C1orf87: variants seen among roughly 807,000 people sequenced by gnomAD.
The protein encoded by C1orf87 is chromosome 1 open reading frame 87.
Under a neutral mutation model 60.5 loss-of-function variants are expected in C1orf87, and 58 were observed. The ratio of observed to expected loss-of-function variants is 0.96; its 90% CI spans 0.78 to 1.19. C1orf87 has a LOEUF of 1.19. Ranked by LOEUF, C1orf87 falls within the 50% of genes most tolerant of loss-of-function variation. C1orf87 has a pLI of 0.00. For missense variants in C1orf87, 673 were observed against 638.6 expected, an observed-to-expected ratio of 1.05 and a Z score of -0.58; for synonymous variants, 236 against 227.4, an observed-to-expected ratio of 1.04 and a Z score of -0.34.
At chr1:60,047,188 G>A (rs1207477570) in intron 3 of C1orf87, among the ~76,000 whole-genome samples, 1 of 152,022 alleles carries the variant, frequency 6.6e-6, no homozygotes, top group Non-Finnish European at 1.5e-5. Context: ...AGTTTGCATA[G>A]AAAATGGCCA....
chr1:60,023,835 A>G (rs1175322323), intron 8 of C1orf87, among the ~76,000 whole-genome samples: 1 of 152,010 alleles, frequency 6.6e-6, no homozygotes, highest in Non-Finnish European at 1.5e-5. Context: ...AATGGCCTTC[A>G]CAGTTTTGTG....
intron 10 of C1orf87, among the ~76,000 whole-genome samples, 162 bp downstream of exon 10, chr1:60,000,915 C>T (rs1367292550): frequency 3.3e-5 from 5 of 151,902 alleles, no homozygotes; most frequent in African/African-American, 1.2e-4. Context: ...GTTCTTTTGC[C>T]TCCTTCTTTG....
chr1:59,997,413 G>C (rs747622744), intron 11 of C1orf87, among the ~76,000 whole-genome samples, 196 bp downstream of exon 11: 7 of 152,168 alleles, frequency 4.6e-5, no homozygotes, highest in Non-Finnish European at 8.8e-5. Flanking sequence ...GGAATACAGA[G>C]AAATTATAAG....
intron 3 of C1orf87, among the ~76,000 whole-genome samples, chr1:60,045,163 CA>C (rs1270992556): frequency 1.3e-5 from 2 of 152,074 alleles, no homozygotes; most frequent in Non-Finnish European, 2.9e-5. Flanking sequence ...GCATTAAATG[CA>C]GATGTGAAAA....
chr1:60,033,348 G>T lies in C1orf87; in HGVS notation c.1029+128C>A, dbSNP rs74393539. ...CCTTGTTTTTCACTTCTCAGGCAAA[G>T]AAAACAAACAACTGTGTAATGTAAT... On this transcript the variant is annotated intron_variant, in intron 7 of 11. Coordinates refer to ENST00000371201, the MANE Select transcript of C1orf87 (RefSeq NM_152377.3). 2,330 of 863,112 alleles carry T rather than the reference G, an allele frequency of 2.7e-3. 31 individuals carry two copies. The African/African-American group carries it at 0.036, about 13-fold the overall frequency. 53.5% of individuals were successfully genotyped at this position (863,112 alleles called of 1,614,324 possible). A position where few individuals can be genotyped will look rare whatever the true frequency, so the allele number is the denominator to read the frequency against.
At chr1:60,058,595 A>T (rs1350832011) in intron 2 of C1orf87, among the ~76,000 whole-genome samples, 1 of 152,218 alleles carries the variant, frequency 6.6e-6, no homozygotes, top group Non-Finnish European at 1.5e-5. Flanking sequence ...ATTAGATTAT[A>T]TATTTCTTAA....
At position 60,025,419 on chromosome 1, in the gene C1orf87, C is replaced by A; in HGVS notation, c.1109G>T (p.Gly370Val). The change falls in exon 8 of 12, where the codon GGT becomes GTT. Residue 370 changes from glycine (G) to valine (V), a missense_variant. Gly to Val is a moderately radical substitution (Grantham distance 109, BLOSUM62 -3). Coordinates refer to ENST00000371201, the MANE Select transcript of C1orf87 (RefSeq NM_152377.3). ...GACTTACTTTATTTCATTTTGGTAA[C>A]CCAAATCTTGATGGTTAAGCAATGT... ...LETLLNHQDLGYQNEIKWQNF... is the reference protein window; with the variant it reads ...LETLLNHQDLVYQNEIKWQNF... 6.2e-7 allele frequency: 1 copy of A among 1,613,036 alleles called. No homozygotes were observed. The highest frequency in any genetic ancestry group is 8.5e-7 in the Non-Finnish European group (1 of 1,179,362).
intron 7 of C1orf87, among the ~76,000 whole-genome samples, chr1:60,029,890 T>G (rs1179596879): frequency 6.6e-6 from 1 of 151,754 alleles, no homozygotes; most frequent in Non-Finnish European, 1.5e-5. Flanking sequence ...CCGCCCACCT[T>G]AGCCTCCCAA....
chr1:60,043,047 T>C lies in C1orf87; in HGVS notation c.343-1916A>G, dbSNP rs553561015. ...GAGGGAGGAGGAGAGGACAAGAGGA[T>C]TACAGGAAGAGTGAACTGGATATAG... On this transcript the variant is annotated intron_variant, in intron 3 of 11. Transcript: ENST00000371201. 1.7e-4 allele frequency among the ~76,000 whole-genome samples: 26 copies of C among 152,174 alleles called. 1 individual carries two copies. The South Asian group carries it at 2.5e-3, about 15-fold the overall frequency.
intron 10 of C1orf87, among the ~76,000 whole-genome samples, chr1:60,000,531 CT>C (rs1644994599): frequency 6.6e-6 from 1 of 152,064 alleles, no homozygotes; most frequent in Admixed American, 6.6e-5. Flanking sequence ...AACAGAAAAA[CT>C]CAGGCTGTTT....
intron 9 of C1orf87, among the ~76,000 whole-genome samples, chr1:60,005,393 AAG>A (rs1455825084): frequency 6.6e-6 from 1 of 152,068 alleles, no homozygotes; most frequent in African/African-American, 2.4e-5. Flanking sequence ...GGAGAGAACA[AAG>A]AGATGCATCA....
chr1:60,001,933 A>G (rs117853923), intron 9 of C1orf87, among the ~76,000 whole-genome samples: 2 of 152,160 alleles, frequency 1.3e-5, no homozygotes, highest in East Asian at 3.9e-4. Context: ...GAAAAACACA[A>G]ACAAATATTA....
Position 60,025,418 on chromosome 1 carries a change from AC to A in C1orf87, c.1109del (p.Gly370ValfsTer6). ...TGACTTACTTTATTTCATTTTGGTA[AC>A]CCAAATCTTGATGGTTAAGCAATGT... ...LETLLNHQDL[G>X]YQNEIKWQNF... On this transcript the variant is annotated frameshift_variant, in exon 8 of 12. Coordinates refer to ENST00000371201, the MANE Select transcript of C1orf87 (RefSeq NM_152377.3). LOFTEE classifies it high-confidence loss of function. The A allele has an allele frequency of 6.2e-7, 1 of 1,613,056 alleles. No homozygotes were observed. The highest frequency in any genetic ancestry group is 8.5e-7 in the Non-Finnish European group (1 of 1,179,404).
chr1:60,023,667 T>C (rs1645179211), intron 8 of C1orf87, among the ~76,000 whole-genome samples: 1 of 152,166 alleles, frequency 6.6e-6, no homozygotes, highest in Non-Finnish European at 1.5e-5. Context: ...CCAATATTGA[T>C]ACATTATGAT....
chr1:60,068,792 CCT>C (rs1309161813), intron 2 of C1orf87, among the ~76,000 whole-genome samples: 1 of 152,134 alleles, frequency 6.6e-6, no homozygotes, highest in African/African-American at 2.4e-5. Context: ...TGTCCACAAG[CCT>C]CTGACTCTGT....
rs746498491 is a variant in C1orf87 at position 60,055,455 on chromosome 1, G to A, written c.108-17C>T. 2 of 1,605,752 alleles carry A rather than the reference G, an allele frequency of 1.2e-6. No homozygotes were observed. The highest frequency in any genetic ancestry group is 1.7e-6 in the Non-Finnish European group (2 of 1,172,598). ...TTCTCCTTGCTGTGAAGAAAGAATT[G>A]TATACTTTGTTACTTACAGGCAGAC... is the stretch of plus-strand genomic sequence containing the variant. On this transcript the variant is annotated splice_polypyrimidine_tract_variant and intron_variant, in intron 2 of 11. Transcript: ENST00000371201.
chr1:60,030,880 T>C (rs1398304431), intron 7 of C1orf87, among the ~76,000 whole-genome samples: 5 of 152,256 alleles, frequency 3.3e-5, no homozygotes, highest in African/African-American at 7.2e-5. Context: ...GCTTCTATAC[T>C]GATCTTTGTG....
chr1:60,005,504 C>T (rs754022690), intron 9 of C1orf87, among the ~76,000 whole-genome samples: 7 of 152,064 alleles, frequency 4.6e-5, no homozygotes, highest in Non-Finnish European at 7.4e-5. Flanking sequence ...GATAATTCAT[C>T]AATGACCTCT....
chr1:60,044,295 G>T (rs564501182), intron 3 of C1orf87, among the ~76,000 whole-genome samples: 2 of 152,332 alleles, frequency 1.3e-5, no homozygotes, highest in Admixed American at 6.5e-5. Flanking sequence ...CTCCCAAAGC[G>T]CTGGGATTAC....
Sources: gnomAD v4.1 joint callset for allele counts (sites outside exome capture counted in the v4.1 genomes callset) on GRCh38, gnomAD v4.1.1 for gene constraint, MANE v1.5 for transcripts, NCBI Gene and HGNC (gene_info 2026-07-23, HGNC 2026-07-21) for gene names.